EBF4: variants seen among roughly 807,000 people sequenced by gnomAD.
The protein encoded by EBF4 is transcription factor COE4.
EBF4 carries 34 observed loss-of-function variants against 67.1 expected under a neutral mutation model. The ratio of observed to expected loss-of-function variants is 0.51; its 90% CI spans 0.39 to 0.67. The LOEUF (loss-of-function observed/expected upper bound fraction) is 0.67. Ranked by LOEUF, EBF4 falls within the 30% of genes least tolerant of loss-of-function variation. EBF4 has a pLI of 0.00. For missense variants in EBF4, 837 were observed against 873.3 expected (o/e 0.96, Z 0.52); for synonymous variants, 387 against 377.7 (o/e 1.02, Z -0.29).
Position 2,756,894 on chromosome 20 carries a change from A to G in EBF4, c.1738+1070A>G, listed in dbSNP as rs1288073657. ...TGCCAGGGTACGTTGTGAACCTTCT[A>G]GGAAACAGGAGATGCAAATTTATTT... On this transcript the variant is annotated intron_variant, in intron 15 of 16. Transcript: ENST00000609451. This position sits in a 1 kb window ranked among gnomAD's most constrained non-coding sequence, Gnocchi z 4.5. 6.6e-6 allele frequency among the ~76,000 whole-genome samples: 1 copy of G among 152,394 alleles called. No homozygotes were observed. Among genetic ancestry groups the G allele is most frequent in the East Asian group, 1.9e-4 (1 of 5,184 alleles).
At chr20:2,738,152 C>A (rs1305948150) in intron 6 of EBF4, among the ~76,000 whole-genome samples, 1 of 151,960 alleles carries the variant, frequency 6.6e-6, no homozygotes, top group Non-Finnish European at 1.5e-5. Flanking sequence ...TAGAAGATGC[C>A]AGGCCTTGCT....
chr20:2,729,539 A>C (rs527284526), intron 6 of EBF4, among the ~76,000 whole-genome samples: 79 of 152,272 alleles, frequency 5.2e-4, no homozygotes, highest in African/African-American at 1.9e-3. Context: ...GAAGTGAGAC[A>C]GACACACCCC....
At chr20:2,714,136 G>A (rs978109619) in intron 6 of EBF4, among the ~76,000 whole-genome samples, 1 of 152,138 alleles carries the variant, frequency 6.6e-6, no homozygotes, top group Non-Finnish European at 1.5e-5. Context: ...TTTCTCCATC[G>A]TGTAAGCGAA....
At chr20:2,706,980 C>A (rs1033817634) in intron 4 of EBF4, among the ~76,000 whole-genome samples, 1 of 152,214 alleles carries the variant, frequency 6.6e-6, no homozygotes, top group Non-Finnish European at 1.5e-5. Flanking sequence ...ATTCTGCCAA[C>A]ACAGGGCCCC....
chr20:2,719,052 TGGG>T (rs1166279916), intron 6 of EBF4, among the ~76,000 whole-genome samples: 1 of 152,072 alleles, frequency 6.6e-6, no homozygotes, highest in Non-Finnish European at 1.5e-5. Context: ...TCCAAAAACT[TGGG>T]GGGATTCTCC....
intron 6 of EBF4, among the ~76,000 whole-genome samples, chr20:2,716,306 C>T (rs1420672844): frequency 1.3e-5 from 2 of 151,126 alleles, no homozygotes; most frequent in African/African-American, 4.9e-5. Context: ...GCGGGCAGAT[C>T]ACCGGAGGTC....
chr20:2,701,075 G>A (rs2087368286), intron 1 of EBF4, among the ~76,000 whole-genome samples: 1 of 152,238 alleles, frequency 6.6e-6, no homozygotes, highest in African/African-American at 2.4e-5. Flanking sequence ...AGGGGCGGGG[G>A]CCGTCATTAA....
At chr20:2,748,290 T>C (rs537544179) in intron 6 of EBF4, among the ~76,000 whole-genome samples, 1 of 152,268 alleles carries the variant, frequency 6.6e-6, no homozygotes, top group South Asian at 2.1e-4. Flanking sequence ...GTATACACTT[T>C]GTGGCATAAA....
In EBF4 at chr20:2,752,385, C is replaced by T. The variant is rs896054113; in HGVS notation, c.1380C>T (p.Ser460=). Residue 460 remains serine, a synonymous_variant, in exon 14 of 17, where the codon TCC becomes TCT. Transcript: ENST00000609451. The stretch of plus-strand genomic sequence containing the variant: ...ACGCGCGCAGCTGCAGCAGCGCGTC[C>T]CCCCGCGGGTTCGCGCCCAGCCCCG... 3.9e-5 allele frequency: 49 copies of T among 1,249,030 alleles called. 1 individual carries two copies. Among genetic ancestry groups the T allele is most frequent in the Non-Finnish European group, 4.7e-5 (47 of 997,634 alleles). The allele number at this position is 1,249,030 out of a possible 1,614,324, so 77.4% of individuals were successfully genotyped here.
chr20:2,742,673 G>T (rs996712276), intron 6 of EBF4, among the ~76,000 whole-genome samples: 8 of 152,066 alleles, frequency 5.3e-5, no homozygotes, highest in Non-Finnish European at 1.0e-4. Flanking sequence ...GTGGACTTGG[G>T]CTCACTTTAC....
chr20:2,759,381 C>T (rs1051385026), exon 17 of EBF4: 3 of 229,528 alleles, frequency 1.3e-5, no homozygotes, highest in South Asian at 1.5e-4. Context: ...GACCTCAACC[C>T]GTGAGCTGAA....
chr20:2,723,753 A>G (rs1275165554), intron 6 of EBF4, among the ~76,000 whole-genome samples: 1 of 151,742 alleles, frequency 6.6e-6, no homozygotes, highest in Non-Finnish European at 1.5e-5. Flanking sequence ...ATTTTTTTCA[A>G]TTTTATTGGT....
intron 16 of EBF4, 69 bp downstream of exon 16, chr20:2,759,053 C>A: frequency 1.4e-6 from 2 of 1,426,704 alleles, no homozygotes; most frequent in Non-Finnish European, 1.9e-6. Flanking sequence ...TCTCTAAAGG[C>A]CTTCATCCTG....
intron 1 of EBF4, among the ~76,000 whole-genome samples, chr20:2,694,454 G>T (rs1194582865): frequency 6.6e-6 from 1 of 152,186 alleles, no homozygotes; most frequent in African/African-American, 2.4e-5. Context: ...CCTTTGCAGG[G>T]GTCTGGGAGT....
chr20:2,754,729 G>A (rs2088209522), intron 14 of EBF4, among the ~76,000 whole-genome samples: 1 of 152,146 alleles, frequency 6.6e-6, no homozygotes, highest in Admixed American at 6.5e-5. Context: ...AGGGAATTGG[G>A]TTCAGATGAG....
intron 14 of EBF4, among the ~76,000 whole-genome samples, chr20:2,753,401 G>A (rs113322232): frequency 1.7e-4 from 26 of 152,332 alleles, no homozygotes; most frequent in African/African-American, 6.0e-4. Context: ...CTGCCCTCAA[G>A]ACTCTTCCAT....
At chr20:2,734,001 A>G (rs2087847547) in intron 6 of EBF4, among the ~76,000 whole-genome samples, 1 of 152,134 alleles carries the variant, frequency 6.6e-6, no homozygotes, top group Admixed American at 6.5e-5. Flanking sequence ...TAAAAATATA[A>G]TTTGAAATCC....
At chr20:2,738,570 G>T (rs1389847907) in intron 6 of EBF4, among the ~76,000 whole-genome samples, 1 of 152,050 alleles carries the variant, frequency 6.6e-6, no homozygotes, top group Non-Finnish European at 1.5e-5. Context: ...ATGCCCAGAG[G>T]CCTCCCATTA....
intron 14 of EBF4, among the ~76,000 whole-genome samples, chr20:2,754,815 G>T (rs1371246044): frequency 3.9e-5 from 6 of 152,174 alleles, no homozygotes; most frequent in Admixed American, 3.9e-4. Flanking sequence ...GAGGGGGCAG[G>T]CAAAGTCTGT....
Sources: allele counts gnomAD v4.1 joint callset (sites outside exome capture counted in the v4.1 genomes callset), GRCh38; gene constraint gnomAD v4.1.1; non-coding constraint Gnocchi (gnomAD v3.1); transcripts MANE v1.5; gene names NCBI Gene and HGNC (gene_info 2026-07-23, HGNC 2026-07-21).